The following SLC6A2 variants were observed in gnomAD, a reference collection of about 807,000 sequenced individuals.
SLC6A2 encodes the protein sodium-dependent noradrenaline transporter.
A neutral mutation model predicts 71.7 loss-of-function variants in SLC6A2; 26 were observed. The observed-to-expected ratio is 0.36, with a 90% confidence interval of 0.27 to 0.50. The LOEUF (loss-of-function observed/expected upper bound fraction) is 0.50. Among genes scored for constraint, SLC6A2 ranks in the 20% least tolerant of loss-of-function variants. The pLI is 0.96. For missense variants in SLC6A2, 581 were observed against 803.9 expected (o/e 0.72, Z 3.35); for synonymous variants, 363 against 337.9 (o/e 1.07, Z -0.82).
chr16:55,663,461 A>G (rs1964663455), intron 2 of SLC6A2, among the ~76,000 whole-genome samples: 1 of 152,156 alleles, frequency 6.6e-6, no homozygotes, highest in South Asian at 2.1e-4. Context: ...CAGCTGCCCA[A>G]CCTTGAACTT....
At chr16:55,662,229 G>A (rs1964629301) in intron 2 of SLC6A2, among the ~76,000 whole-genome samples, 2 of 152,198 alleles carry the variant, frequency 1.3e-5, no homozygotes, top group South Asian at 2.1e-4. Context: ...GTTATATCCT[G>A]CCCTGCAGTC....
intron 13 of SLC6A2, among the ~76,000 whole-genome samples, chr16:55,701,096 G>A (rs1366631902): frequency 3.3e-5 from 5 of 152,080 alleles, no homozygotes; most frequent in South Asian, 2.1e-4. Context: ...GGTAGTATTC[G>A]AGGCACTAGA....
chr16:55,692,744 C>T (rs982655089), intron 6 of SLC6A2, among the ~76,000 whole-genome samples: 3 of 152,210 alleles, frequency 2.0e-5, no homozygotes, highest in Non-Finnish European at 4.4e-5. Context: ...TCCAGGGTTT[C>T]TTTATTTGAA....
chr16:55,699,410 C>A, intron 11 of SLC6A2, 144 bp from the exon 12 acceptor site: 1 of 709,422 alleles, frequency 1.4e-6, no homozygotes. Flanking sequence ...TTACAAAGGG[C>A]CCATCCCCGA....
chr16:55,696,836 T>C (rs1258600699), intron 9 of SLC6A2, among the ~76,000 whole-genome samples: 1 of 151,996 alleles, frequency 6.6e-6, no homozygotes, highest in African/African-American at 2.4e-5. Context: ...TTTAAAAAAT[T>C]AGCTGAGCAT....
chr16:55,665,888 A>T lies in SLC6A2; in HGVS notation c.275-3677A>T, dbSNP rs80156678. Among the ~76,000 whole-genome samples, 105 of 152,302 alleles carry T rather than the reference A, an allele frequency of 6.9e-4. 1 individual carries two copies. Among genetic ancestry groups the T allele is most frequent in the African/African-American group, 2.5e-3 (103 of 41,564 alleles). Reference sequence around the variant, plus strand: ...GGTTGGGCCAGAGGTGATGGGACTAATGCTTTTCTTACTAAATTCATCCAA... The same window carrying T: ...GGTTGGGCCAGAGGTGATGGGACTATTGCTTTTCTTACTAAATTCATCCAA... On this transcript the variant is annotated intron_variant, in intron 2 of 14. Coordinates refer to ENST00000568943, the MANE Select transcript of SLC6A2 (RefSeq NM_001172501.3).
Position 55,669,651 on chromosome 16 carries a change from C to G in SLC6A2, c.361C>G (p.Arg121Gly), listed in dbSNP as rs758931200. ...GGAGCTGGCTCTGGGACAGTACAAC[C>G]GGGAGGGGGCTGCCACCGTTTGGAA... ...YMELALGQYN[R>G]EGAATVWKIC... is the part of the protein sequence containing the mutation. The change falls in exon 3 of 15, where the codon CGG becomes GGG. Residue 121 changes from arginine (R) to glycine (G), a missense_variant. Transcript: ENST00000568943. 15 of 1,613,920 alleles carry G rather than the reference C, an allele frequency of 9.3e-6. No homozygotes were observed. Among genetic ancestry groups the G allele is most frequent in the African/African-American group, 1.3e-5 (1 of 74,900 alleles).
intron 9 of SLC6A2, among the ~76,000 whole-genome samples, chr16:55,696,913 G>A (rs1965817945): frequency 6.6e-6 from 1 of 152,208 alleles, no homozygotes; most frequent in African/African-American, 2.4e-5. Context: ...GAGCCCAGGA[G>A]TTGGAGGCTG....
chr16:55,669,259 T>C (rs1964837282), intron 2 of SLC6A2, among the ~76,000 whole-genome samples: 1 of 152,158 alleles, frequency 6.6e-6, no homozygotes, highest in Admixed American at 6.5e-5. Context: ...GTGATCCCCC[T>C]CCTGGCACAT....
chr16:55,667,430 T>C (rs1964784577), intron 2 of SLC6A2, among the ~76,000 whole-genome samples: 2 of 152,218 alleles, frequency 1.3e-5, no homozygotes, highest in Admixed American at 1.3e-4. Flanking sequence ...TAAATAATTA[T>C]GTAAAAACTT....
At chr16:55,661,476 T>C (rs1826260298) in intron 2 of SLC6A2, among the ~76,000 whole-genome samples, 1 of 152,208 alleles carries the variant, frequency 6.6e-6, no homozygotes, top group African/African-American at 2.4e-5. Flanking sequence ...CTTGAAATGA[T>C]GTCACATAAT....
chr16:55,656,442 C>G lies in SLC6A2; in HGVS notation c.-51-202C>G. On this transcript the variant is annotated intron_variant, in intron 1 of 14. Coordinates refer to ENST00000568943, the MANE Select transcript of SLC6A2 (RefSeq NM_001172501.3). The surrounding 1 kb of genome is among the most constrained non-coding windows in gnomAD (Gnocchi z 4.5). The stretch of plus-strand genomic sequence containing the variant: ...TCTTCAGCCGCCCCCAGAGGGCTGT[C>G]AGAAGTCTCCAACTCTTGAGTTCCG... 1 of 578,072 alleles carries G rather than the reference C, an allele frequency of 1.7e-6. No individual in the cohort carries two copies. Among genetic ancestry groups the G allele is most frequent in the African/African-American group, 1.9e-5 (1 of 53,452 alleles). The allele number at this position is 578,072 out of a possible 1,614,324, so 35.8% of individuals were successfully genotyped here. A position where few individuals can be genotyped will look rare whatever the true frequency, so the allele number is the denominator to read the frequency against.
intron 5 of SLC6A2, among the ~76,000 whole-genome samples, chr16:55,687,884 T>C (rs1200764739): frequency 1.3e-5 from 2 of 152,118 alleles, no homozygotes; most frequent in South Asian, 4.2e-4. Context: ...CTCAGTTCTT[T>C]CCAAAATACA....
chr16:55,666,292 C>T (rs1964747779), intron 2 of SLC6A2, among the ~76,000 whole-genome samples: 1 of 152,198 alleles, frequency 6.6e-6, no homozygotes, highest in Non-Finnish European at 1.5e-5. Flanking sequence ...CAGAGCAGTA[C>T]TTTTTAGGGG....
At chr16:55,679,653 G>A (rs1311939463) in intron 4 of SLC6A2, among the ~76,000 whole-genome samples, 2 of 152,242 alleles carry the variant, frequency 1.3e-5, no homozygotes, top group Non-Finnish European at 2.9e-5. Context: ...AACAGGATGA[G>A]AAGTTAGCCA....
At chr16:55,665,031 G>A (rs576748797) in intron 2 of SLC6A2, among the ~76,000 whole-genome samples, 16 of 152,180 alleles carry the variant, frequency 1.1e-4, no homozygotes, top group Non-Finnish European at 2.1e-4. Context: ...GGAGGTGGGG[G>A]TGTCTGCAAG....
chr16:55,656,663 G>C lies in SLC6A2; in HGVS notation c.-32G>C. The C allele has an allele frequency of 1.2e-6, 2 of 1,610,960 alleles. No individual in the cohort carries two copies. Among genetic ancestry groups the C allele is most frequent in the Admixed American group, 1.7e-5 (1 of 60,016 alleles). On this transcript the variant is annotated 5_prime_UTR_variant, in exon 2 of 15. Transcript: ENST00000568943. The surrounding 1 kb of genome is among the most constrained non-coding windows in gnomAD (Gnocchi z 4.5). ...AAGCAGAGCCTCGGCGTGCCCCCAG[G>C]ACCGGTAAAGTTCCTCTCGCCAGCC...
At chr16:55,675,634 C>G (rs553937865) in intron 4 of SLC6A2, among the ~76,000 whole-genome samples, 1 of 152,140 alleles carries the variant, frequency 6.6e-6, no homozygotes, top group East Asian at 1.9e-4. Context: ...ACCAGAGTAC[C>G]CACTTGCCAC....
chr16:55,698,052 C>T (rs374251201), intron 10 of SLC6A2, 27 bp downstream of exon 10: 25 of 1,613,146 alleles, frequency 1.5e-5, no homozygotes, highest in African/African-American at 1.1e-4. Context: ...CTCTGGGTCA[C>T]CTGGGGGCCT....
Sources: gnomAD v4.1 joint callset for allele counts (sites outside exome capture counted in the v4.1 genomes callset) on GRCh38, gnomAD v4.1.1 for gene constraint, Gnocchi (gnomAD v3.1) non-coding constraint, MANE v1.5 for transcripts, NCBI Gene and HGNC (gene_info 2026-07-23, HGNC 2026-07-21) for gene names.